The following DCK variants were observed in gnomAD, a reference collection of about 807,000 sequenced individuals.
DCK encodes deoxycytidine kinase.
In DCK, 23 loss-of-function variants were observed where a neutral mutation model predicts 38.3. That is an observed-to-expected ratio of 0.60 (90% CI 0.43 to 0.85). The LOEUF (loss-of-function observed/expected upper bound fraction) is 0.85, where lower values mean the gene tolerates loss of function less well. DCK is among the 40% of genes least tolerant of loss of function. DCK has a pLI of 0.00. For missense variants in DCK, 259 were observed against 304.4 expected, an observed-to-expected ratio of 0.85 and a Z score of 1.11; for synonymous variants, 108 against 100.6, an observed-to-expected ratio of 1.07 and a Z score of -0.44.
Position 71,028,919 on chromosome 4 carries a change from G to A in DCK, c.757-433G>A, listed in dbSNP as rs199759589. ...ATTACAGGCATGTGCCACTATGCCCGGCTAATTTTGTATTTTTAGTAGAGA... is the reference window on the plus strand; with the variant it reads ...ATTACAGGCATGTGCCACTATGCCCAGCTAATTTTGTATTTTTAGTAGAGA... On this transcript the variant is annotated intron_variant, in intron 6 of 6. Coordinates refer to ENST00000286648, the MANE Select transcript of DCK (RefSeq NM_000788.3). 3.9e-4 allele frequency among the ~76,000 whole-genome samples: 60 copies of A among 152,284 alleles called. 1 individual carries two copies. In the East Asian group the frequency reaches 7.0e-3, roughly 18 times the overall value.
intron 2 of DCK, among the ~76,000 whole-genome samples, chr4:71,007,781 C>A (rs937453256): frequency 1.3e-5 from 2 of 152,190 alleles, no homozygotes; most frequent in Non-Finnish European, 2.9e-5. Flanking sequence ...AGTGGCGCAG[C>A]CATGGTTCAC....
At chr4:71,023,336 C>T (rs1162759685) in intron 3 of DCK, among the ~76,000 whole-genome samples, 1 of 152,174 alleles carries the variant, frequency 6.6e-6, no homozygotes, top group Non-Finnish European at 1.5e-5. Flanking sequence ...TCTGGCCTCT[C>T]ACAGAACCCC....
chr4:71,023,199 C>T (rs1740472262), intron 3 of DCK, among the ~76,000 whole-genome samples: 1 of 152,108 alleles, frequency 6.6e-6, no homozygotes, highest in Non-Finnish European at 1.5e-5. Context: ...AATATCATTG[C>T]TTTACATTTT....
chr4:71,021,350 C>T (rs1018606552), intron 2 of DCK, among the ~76,000 whole-genome samples: 2 of 152,190 alleles, frequency 1.3e-5, no homozygotes, highest in Non-Finnish European at 2.9e-5. Context: ...GCTGGGATTA[C>T]AGGCGTGAGC....
At chr4:71,013,925 T>TA (rs1386466601) in intron 2 of DCK, among the ~76,000 whole-genome samples, 6 of 152,172 alleles carry the variant, frequency 3.9e-5, no homozygotes, top group Non-Finnish European at 8.8e-5. Flanking sequence ...ACCTTAAATG[T>TA]AAATGGGCTA....
At chr4:71,028,082 C>T (rs759684271) in intron 6 of DCK, among the ~76,000 whole-genome samples, 1 of 152,248 alleles carries the variant, frequency 6.6e-6, no homozygotes, top group East Asian at 1.9e-4. Flanking sequence ...TTCATTGACT[C>T]CTTACATGAT....
chr4:71,029,376 T>C lies in DCK; in HGVS notation c.781T>C (p.Ter261ArgextTer3), dbSNP rs746729229. The change falls in exon 7 of 7, where the codon TGA becomes CGA. Residue 261 changes from the stop codon to arginine, a stop_lost. Coordinates refer to ENST00000286648, the MANE Select transcript of DCK (RefSeq NM_000788.3). Reference protein sequence around the residue: ...EKVKEFLSTL* With the variant: ...EKVKEFLSTLR ...GGTCAAAGAGTTTTTGAGTACTTTG[T>C]GATCTTGCTGAAGACTACAGGCAGC... is the stretch of plus-strand genomic sequence containing the variant. 32 of 1,608,794 alleles carry C rather than the reference T, an allele frequency of 2.0e-5. No homozygotes were observed. In the East Asian group the frequency reaches 4.9e-4, roughly 25 times the overall value.
chr4:71,018,808 A>T (rs1029345408), intron 2 of DCK, among the ~76,000 whole-genome samples: 1 of 150,776 alleles, frequency 6.6e-6, no homozygotes, highest in Non-Finnish European at 1.5e-5. Flanking sequence ...AGTAGCTGGG[A>T]TTACAGGTGC....
At chr4:71,000,524 G>T (rs868845722) in intron 2 of DCK, among the ~76,000 whole-genome samples, 3 of 152,258 alleles carry the variant, frequency 2.0e-5, no homozygotes, top group African/African-American at 7.2e-5. Context: ...GGTTCCATAT[G>T]AAATTTAAGG....
chr4:71,010,611 A>G (rs1416714076), intron 2 of DCK, among the ~76,000 whole-genome samples: 1 of 147,616 alleles, frequency 6.8e-6, no homozygotes, highest in Admixed American at 6.8e-5. Flanking sequence ...AATTATATTT[A>G]ATTTTATATT....
intron 1 of DCK, 25 bp from the exon 2 acceptor site, chr4:70,998,042 T>A (rs1333854780): frequency 3.9e-6 from 5 of 1,279,394 alleles, no homozygotes; most frequent in Non-Finnish European, 5.5e-6. Flanking sequence ...CTTTTCTTCC[T>A]CAATTTTATC....
chr4:71,005,918 G>C (rs1028465794), intron 2 of DCK, among the ~76,000 whole-genome samples: 4 of 151,344 alleles, frequency 2.6e-5, no homozygotes, highest in African/African-American at 4.9e-5. Context: ...CTGAGGTCAG[G>C]AGTTCGAGAC....
chr4:71,029,328 A>T, intron 6 of DCK, 24 bp from the exon 7 acceptor site: 4 of 1,530,718 alleles, frequency 2.6e-6, no homozygotes, highest in Non-Finnish European at 3.6e-6. Flanking sequence ...AATTATACTG[A>T]TTTTTTTTTC....
At position 71,004,489 on chromosome 4, in the gene DCK, G is replaced by A. The variant is rs556929190; in HGVS notation, c.207+6307G>A. On this transcript the variant is annotated intron_variant, in intron 2 of 6. Transcript: ENST00000286648. ...TCCTTTAGCAGAGCTTGAGCGCTGC[G>A]CTGGGAGTTCCACTGCTCTCTTCAG... 7.9e-5 allele frequency among the ~76,000 whole-genome samples: 12 copies of A among 152,350 alleles called. No individual in the cohort carries two copies. In the East Asian group the frequency reaches 2.1e-3, roughly 27 times the overall value.
chr4:71,029,552 TTTC>T lies in DCK; in HGVS notation c.*177_*179del. 1 of 574,130 alleles carries T rather than the reference TTTC, an allele frequency of 1.7e-6. No individual in the cohort carries two copies. Among genetic ancestry groups the T allele is most frequent in the Non-Finnish European group, 3.1e-6 (1 of 321,324 alleles). 35.6% of individuals were successfully genotyped at this position (574,130 alleles called of 1,614,324 possible). ...ATGCAAAACTTTTTGACCAGTTTCT[TTTC>T]TTTTGTTTTTTTTTTAAAAAAGACA... On this transcript the variant is annotated 3_prime_UTR_variant, in exon 7 of 7. Transcript: ENST00000286648.
intron 2 of DCK, among the ~76,000 whole-genome samples, chr4:71,011,232 CT>C (rs11322673): frequency 0.71 from 66,706 of 93,296 alleles, 22,921 homozygotes; most frequent in Admixed American, 0.8. Context: ...TGTGAGGTCT[CT>C]TTTTTTTTTT....
chr4:70,993,737 G>C lies in DCK; in HGVS notation c.-99G>C. The C allele has an allele frequency of 1.3e-6, 1 of 799,694 alleles. No homozygotes were observed. The highest frequency in any genetic ancestry group is 2.7e-5 in the East Asian group (1 of 36,940). 49.5% of individuals were successfully genotyped at this position (799,694 alleles called of 1,614,324 possible). ...CTCACTAGCTGACCCGGCAGGTCAGGATCTGGCTTAGCGGCGCCGCGAGCT... is the reference window on the plus strand; with the variant it reads ...CTCACTAGCTGACCCGGCAGGTCAGCATCTGGCTTAGCGGCGCCGCGAGCT... On this transcript the variant is annotated 5_prime_UTR_variant, in exon 1 of 7. Transcript: ENST00000286648.
chr4:71,021,606 C>T (rs563856833), intron 2 of DCK, among the ~76,000 whole-genome samples: 10 of 152,120 alleles, frequency 6.6e-5, no homozygotes, highest in Admixed American at 2.0e-4. Context: ...GAAAATCATC[C>T]GGGAATGGTG....
chr4:70,994,068 T>G, intron 1 of DCK, 142 bp downstream of exon 1: 1 of 683,048 alleles, frequency 1.5e-6, no homozygotes. Flanking sequence ...TCGGCTTCCT[T>G]TCCCACCCAG....
Sources: gnomAD v4.1 joint callset for allele counts (sites outside exome capture counted in the v4.1 genomes callset) on GRCh38, gnomAD v4.1.1 for gene constraint, MANE v1.5 for transcripts, NCBI Gene and HGNC (gene_info 2026-07-23, HGNC 2026-07-21) for gene names.